The following GPATCH8 variants were observed in gnomAD, a reference collection of about 807,000 sequenced individuals.
GPATCH8 encodes G patch domain-containing protein 8.
A neutral mutation model predicts 118.3 loss-of-function variants in GPATCH8; 18 were observed. The observed-to-expected ratio is 0.15, with a 90% CI of 0.11 to 0.23. GPATCH8 has a LOEUF of 0.23. Among genes scored for constraint, GPATCH8 ranks in the 10% least tolerant of loss-of-function variants. The probability of loss-of-function intolerance (pLI) is 1.00; values close to 1 mark genes in which losing one functional copy is unlikely to be tolerated. For missense variants in GPATCH8, 1,631 were observed against 1,873.8 expected (o/e 0.87, Z 2.39); for synonymous variants, 659 against 684.7 (o/e 0.96, Z 0.59).
rs897606539 is a variant in GPATCH8, at chr17:44,490,160, T to A, written c.45+13166A>T. 5.3e-5 allele frequency among the ~76,000 whole-genome samples: 8 copies of A among 151,838 alleles called. 1 individual carries two copies. The highest frequency in any genetic ancestry group is 4.2e-4 in the South Asian group (2 of 4,810). On this transcript the variant is annotated intron_variant, in intron 1 of 7. Transcript: ENST00000591680. Reference sequence around the variant, plus strand: ...AAATTTTTTTTAATTTTTGTAAAAATTTTTTTTAATGATGGTGTGCACCTG... The same window carrying A: ...AAATTTTTTTTAATTTTTGTAAAAAATTTTTTTAATGATGGTGTGCACCTG...
At chr17:44,426,236 T>C in intron 5 of GPATCH8, among the ~76,000 whole-genome samples, 1 of 152,162 alleles carries the variant, frequency 6.6e-6, no homozygotes, top group East Asian at 1.9e-4. Flanking sequence ...TTAGGGTGGA[T>C]GAGGAAACAT....
chr17:44,449,147 C>T (rs2051018292), intron 3 of GPATCH8, among the ~76,000 whole-genome samples: 1 of 152,048 alleles, frequency 6.6e-6, no homozygotes, highest in South Asian at 2.1e-4. Context: ...CGTGATGGCA[C>T]ATGCCTGTAA....
chr17:44,494,541 A>G (rs1478858903), intron 1 of GPATCH8, among the ~76,000 whole-genome samples: 1 of 152,090 alleles, frequency 6.6e-6, no homozygotes, highest in Non-Finnish European at 1.5e-5. Context: ...GCAGTGAGCC[A>G]AGACTGCACC....
rs1213757798 is a variant in GPATCH8 at position 44,400,314 on chromosome 17, C to T, written c.1763G>A (p.Gly588Glu). The T allele has an allele frequency of 3.1e-6, 5 of 1,614,092 alleles. No homozygotes were observed. The highest frequency in any genetic ancestry group is 1.7e-6 in the Non-Finnish European group (2 of 1,179,974). The change falls in exon 8 of 8, where the codon GGA becomes GAA. Residue 588 changes from glycine (G) to glutamate (E), a missense_variant. Transcript: ENST00000591680. ...TCCTATATCCTTTGGTTTTTCTGTT[C>T]CTTTAGTTCTGGCATCTTTGTTCCT... ...LSRNKDARTK[G>E]TEKPKDIGSS... is the part of the protein sequence containing the mutation.
At position 44,455,457 on chromosome 17, in the gene GPATCH8, G is replaced by A. The variant is rs796800571; in HGVS notation, c.193+9015C>T. On this transcript the variant is annotated intron_variant, in intron 3 of 7. Transcript: ENST00000591680. ...AGAGGTTGCGGTGAGCCGAGATCGC[G>A]TCATTGCACTACAGCCTGGGCAACA... Among the ~76,000 whole-genome samples, 29 of 151,338 alleles carry A rather than the reference G, an allele frequency of 1.9e-4. 1 individual carries two copies. Among genetic ancestry groups the A allele is most frequent in the Middle Eastern group, 3.4e-3 (1 of 292 alleles).
chr17:44,424,705 TA>T (rs1402787002), intron 5 of GPATCH8, among the ~76,000 whole-genome samples: 1 of 152,172 alleles, frequency 6.6e-6, no homozygotes, highest in African/African-American at 2.4e-5. Flanking sequence ...AACAAATGTT[TA>T]AAAGGACTAA....
rs771422854 is a variant in GPATCH8, at chr17:44,398,497, G to A, written c.3580C>T (p.Pro1194Ser). ...AAGGGGCCAGTTGTTTCCTCTGAAG[G>A]GAACTGATGCCCAAATAGGGCATCA... The part of the protein sequence containing the change: ...SSDALFGHQF[P>S]SEETTGPLLD... Residue 1194 changes from proline (P) to serine (S), a missense_variant, in exon 8 of 8, where the codon CCT (proline) becomes TCT (serine). Around this residue, in one of 8 missense-constraint regions of GPATCH8, gnomAD observed 922 missense variants for 879.7 expected, o/e 1.05. Coordinates refer to ENST00000591680, the MANE Select transcript of GPATCH8 (RefSeq NM_001002909.4). 8.1e-6 allele frequency: 13 copies of A among 1,605,214 alleles called. 1 individual carries two copies. The Admixed American group carries it at 1.5e-4, about 19-fold the overall frequency.
chr17:44,502,252 T>G (rs766872175), intron 1 of GPATCH8, among the ~76,000 whole-genome samples: 8 of 152,104 alleles, frequency 5.3e-5, no homozygotes, highest in Admixed American at 5.2e-4. Flanking sequence ...ACATCTAGAG[T>G]GCTTTCGTAC....
In GPATCH8 at chr17:44,398,398, G is replaced by A; in HGVS notation, c.3679C>T (p.Pro1227Ser). Residue 1227 changes from proline (P) to serine (S), a missense_variant, in exon 8 of 8, where the codon CCA becomes TCA. Coordinates refer to ENST00000591680, the MANE Select transcript of GPATCH8 (RefSeq NM_001002909.4). Reference sequence around the variant, plus strand: ...CCAGGGTAGCAGTCAGAATGTGCTGGGGTGCCTAGTGGAGCCACAGGGTGA... The same window carrying A: ...CCAGGGTAGCAGTCAGAATGTGCTGAGGTGCCTAGTGGAGCCACAGGGTGA... ...ADHPVAPLGT[P>S]AHSDCYPGDP... is the part of the protein sequence containing the mutation. The A allele has an allele frequency of 6.2e-7, 1 of 1,614,006 alleles. No individual in the cohort carries two copies. The highest frequency in any genetic ancestry group is 1.1e-5 in the South Asian group (1 of 91,078).
chr17:44,453,431 T>G (rs538497674), intron 3 of GPATCH8, among the ~76,000 whole-genome samples: 2 of 151,958 alleles, frequency 1.3e-5, no homozygotes, highest in South Asian at 4.2e-4. Context: ...GCTTAGCATA[T>G]ATGAGATTTG....
intron 3 of GPATCH8, 61 bp downstream of exon 3, chr17:44,464,411 G>A: frequency 1.0e-6 from 1 of 967,694 alleles, no homozygotes; most frequent in South Asian, 1.3e-5. Flanking sequence ...ATACATTCAG[G>A]TACAAGATCT....
intron 1 of GPATCH8, among the ~76,000 whole-genome samples, chr17:44,479,452 T>C (rs1248736975): frequency 6.6e-6 from 1 of 152,228 alleles, no homozygotes; most frequent in Non-Finnish European, 1.5e-5. Context: ...GAAATTTTAA[T>C]GTTTTCAATT....
At chr17:44,465,016 A>G (rs924071859) in intron 2 of GPATCH8, 3 of 163,608 alleles carry the variant, frequency 1.8e-5, no homozygotes, top group African/African-American at 7.2e-5. Context: ...AGTAAGTTAT[A>G]AGTGTAAGAC....
chr17:44,479,270 G>A (rs1968022894), intron 1 of GPATCH8, among the ~76,000 whole-genome samples: 1 of 152,170 alleles, frequency 6.6e-6, no homozygotes, highest in African/African-American at 2.4e-5. Flanking sequence ...TAGGCTTAAA[G>A]TTATTTTAGA....
At chr17:44,499,333 G>A (rs1969893049) in intron 1 of GPATCH8, among the ~76,000 whole-genome samples, 1 of 152,270 alleles carries the variant, frequency 6.6e-6, no homozygotes, top group African/African-American at 2.4e-5. Flanking sequence ...AGCTGGACAT[G>A]GTGGGACATG....
intron 5 of GPATCH8, among the ~76,000 whole-genome samples, chr17:44,428,691 T>C (rs1249387414): frequency 6.6e-6 from 1 of 151,330 alleles, no homozygotes; most frequent in Non-Finnish European, 1.5e-5. Flanking sequence ...TAGCCCCAGA[T>C]GCTCGGGAAG....
At position 44,398,489 on chromosome 17, in the gene GPATCH8, C is replaced by T. The variant is rs1397685568; in HGVS notation, c.3588G>A (p.Glu1196=). 4 of 1,607,898 alleles carry T rather than the reference C, an allele frequency of 2.5e-6. No individual in the cohort carries two copies. Among genetic ancestry groups the T allele is most frequent in the Non-Finnish European group, 3.4e-6 (4 of 1,176,874 alleles). The part of the protein sequence containing the change: ...DALFGHQFPS[E]ETTGPLLDPP... ...GGTCTAATAAGGGGCCAGTTGTTTC[C>T]TCTGAAGGGAACTGATGCCCAAATA... is the stretch of plus-strand genomic sequence containing the variant. The change falls in exon 8 of 8, where the codon GAG becomes GAA. Residue 1196 remains glutamate (E), a synonymous_variant. Transcript: ENST00000591680.
intron 5 of GPATCH8, among the ~76,000 whole-genome samples, chr17:44,432,649 C>T (rs1266265207): frequency 1.3e-5 from 2 of 151,872 alleles, no homozygotes; most frequent in Non-Finnish European, 2.9e-5. Flanking sequence ...GTGTGTGGTG[C>T]TAGAGGGGAA....
rs1036815989 is a variant in GPATCH8, at chr17:44,444,570, C to T, written c.194-8025G>A. 4.6e-5 allele frequency among the ~76,000 whole-genome samples: 7 copies of T among 151,998 alleles called. No homozygotes were observed. In the East Asian group the frequency reaches 5.8e-4, roughly 13 times the overall value. On this transcript the variant is annotated intron_variant, in intron 3 of 7. Transcript: ENST00000591680. ...GGCAGACTACTTGAGGTCAGGAGGT[C>T]GAGATCAGCCTGGCCAACATGGCAA...
Sources: gnomAD v4.1 joint callset for allele counts (sites outside exome capture counted in the v4.1 genomes callset) on GRCh38, gnomAD v4.1.1 for gene constraint, gnomAD v4.1.1 regional missense constraint, MANE v1.5 for transcripts, NCBI Gene and HGNC (gene_info 2026-07-23, HGNC 2026-07-21) for gene names.